FAM13A: variants seen among roughly 807,000 people sequenced by gnomAD.
FAM13A encodes the protein family with sequence similarity 13 member A.
Under a neutral mutation model 129.6 loss-of-function variants are expected in FAM13A, and 76 were observed. The observed-to-expected ratio is 0.59, with a 90% CI of 0.49 to 0.71. The LOEUF (loss-of-function observed/expected upper bound fraction) is 0.71. FAM13A is among the 30% of genes least tolerant of loss of function. FAM13A has a pLI of 0.00. For missense variants in FAM13A, 1,108 were observed against 1,249.3 expected (o/e 0.89, Z 1.70); for synonymous variants, 443 against 449.9 (o/e 0.98, Z 0.20).
intron 13 of FAM13A, among the ~76,000 whole-genome samples, chr4:88,764,222 GT>G (rs1745338070): frequency 1.3e-5 from 2 of 151,658 alleles, no homozygotes; most frequent in East Asian, 1.9e-4. Flanking sequence ...TGAATGTCTT[GT>G]TTGTTATCAA....
At chr4:88,742,176 T>C (rs577431741) in intron 19 of FAM13A, among the ~76,000 whole-genome samples, 1 of 152,252 alleles carries the variant, frequency 6.6e-6, no homozygotes, top group Admixed American at 6.5e-5. Flanking sequence ...CAGAAACATC[T>C]TTGGACTGCA....
At chr4:88,728,730 AATT>A in intron 23 of FAM13A, 71 bp from the exon 24 acceptor site, 1 of 1,558,172 alleles carries the variant, frequency 6.4e-7, no homozygotes, top group Non-Finnish European at 8.8e-7. Flanking sequence ...TCATCGGGCA[AATT>A]ATCATTGTTT....
intron 1 of FAM13A, among the ~76,000 whole-genome samples, chr4:89,053,205 CCAA>C: frequency 6.6e-6 from 1 of 152,302 alleles, no homozygotes; most frequent in East Asian, 1.9e-4. Flanking sequence ...CCTCCAGTTT[CCAA>C]CAACATGTTC....
chr4:88,994,056 AAGTAACTG>A (rs1763246106), intron 3 of FAM13A, among the ~76,000 whole-genome samples: 1 of 152,118 alleles, frequency 6.6e-6, no homozygotes, highest in African/African-American at 2.4e-5. Flanking sequence ...GAAAAGTCAA[AAGTAACTG>A]AGAAATATCT....
chr4:88,809,968 C>A (rs961252443), intron 7 of FAM13A, among the ~76,000 whole-genome samples: 1 of 147,558 alleles, frequency 6.8e-6, no homozygotes, highest in African/African-American at 2.5e-5. Flanking sequence ...TTTTACAATT[C>A]TTTTTTGTAA....
intron 19 of FAM13A, among the ~76,000 whole-genome samples, chr4:88,744,734 T>C (rs997066306): frequency 2.6e-5 from 4 of 152,168 alleles, no homozygotes; most frequent in Non-Finnish European, 4.4e-5. Flanking sequence ...AGTTGACTCT[T>C]TGATTTTTTT....
chr4:88,938,950 T>C (rs1754289605), intron 4 of FAM13A, among the ~76,000 whole-genome samples: 2 of 152,094 alleles, frequency 1.3e-5, no homozygotes, highest in Admixed American at 6.5e-5. Flanking sequence ...ACAAAAGACA[T>C]GAGTTGGAAA....
rs758196366 is a variant in FAM13A, at chr4:88,772,515, G to A, written c.1459-4456C>T. Among the ~76,000 whole-genome samples, 82 of 152,160 alleles carry A rather than the reference G, an allele frequency of 5.4e-4. 1 individual carries two copies. Among genetic ancestry groups the A allele is most frequent in the South Asian group, 2.5e-3 (12 of 4,830 alleles). ...AACTAACTGTTCTCCAATGGGATGCGAGAAGTGATATATGTGGCTTCCAGA... is the reference window on the plus strand; with the variant it reads ...AACTAACTGTTCTCCAATGGGATGCAAGAAGTGATATATGTGGCTTCCAGA... On this transcript the variant is annotated intron_variant, in intron 11 of 23. Coordinates refer to ENST00000264344, the MANE Select transcript of FAM13A (RefSeq NM_014883.4).
At chr4:88,790,839 T>C (rs914395776) in intron 8 of FAM13A, among the ~76,000 whole-genome samples, 1 of 152,158 alleles carries the variant, frequency 6.6e-6, no homozygotes, top group Non-Finnish European at 1.5e-5. Context: ...CTTTTTCTCC[T>C]TTTAAAAGTT....
At chr4:88,945,716 A>G (rs950927188) in intron 4 of FAM13A, among the ~76,000 whole-genome samples, 2 of 146,812 alleles carry the variant, frequency 1.4e-5, no homozygotes, top group Admixed American at 6.9e-5. Context: ...CAAACATTAT[A>G]AAAAGTCACA....
At chr4:88,881,918 C>T (rs1743641331) in intron 6 of FAM13A, among the ~76,000 whole-genome samples, 1 of 151,768 alleles carries the variant, frequency 6.6e-6, no homozygotes, top group African/African-American at 2.4e-5. Flanking sequence ...TTAACTCAAT[C>T]CAACAGAGAC....
At chr4:88,753,682 CAA>C (rs1743085363) in intron 14 of FAM13A, 1 of 812,552 alleles carries the variant, frequency 1.2e-6, no homozygotes, top group Admixed American at 6.2e-5. Flanking sequence ...GGCTTCTATT[CAA>C]AAGAGTTATA....
At chr4:88,803,492 C>T (rs920345935) in intron 8 of FAM13A, among the ~76,000 whole-genome samples, 2 of 152,056 alleles carry the variant, frequency 1.3e-5, no homozygotes, top group African/African-American at 4.8e-5. Flanking sequence ...TGGCATGAAC[C>T]AGTGCTAAAG....
intron 23 of FAM13A, chr4:88,730,194 G>A (rs994754254): frequency 6.6e-6 from 1 of 152,106 alleles, no homozygotes; most frequent in Non-Finnish European, 1.5e-5. Context: ...CAGTAATCTG[G>A]GTTAAATCCA....
At chr4:88,959,567 C>T (rs1412534633) in intron 4 of FAM13A, among the ~76,000 whole-genome samples, 1 of 152,214 alleles carries the variant, frequency 6.6e-6, no homozygotes, top group Non-Finnish European at 1.5e-5. Flanking sequence ...CCTGAGGCTT[C>T]CCGAGAAGCC....
At position 88,829,583 on chromosome 4, in the gene FAM13A, T is replaced by G. The variant is rs373204688; in HGVS notation, c.1007+21437A>C. On this transcript the variant is annotated intron_variant, in intron 7 of 23. Transcript: ENST00000264344. ...ATGAAGCCAAGATTTTTAGTGCATATACAATTTAGATATTCTGGTGTTGTT... is the reference window on the plus strand; with the variant it reads ...ATGAAGCCAAGATTTTTAGTGCATAGACAATTTAGATATTCTGGTGTTGTT... Among the ~76,000 whole-genome samples the G allele has an allele frequency of 5.3e-5, 8 of 152,344 alleles. No homozygotes were observed. In the South Asian group the frequency reaches 1.7e-3, roughly 32 times the overall value.
intron 8 of FAM13A, among the ~76,000 whole-genome samples, chr4:88,798,226 A>C: frequency 6.6e-6 from 1 of 152,162 alleles, no homozygotes; most frequent in East Asian, 1.9e-4. Context: ...ACTGGAAACA[A>C]ATTTGTGGTT....
chr4:88,839,981 A>C (rs1253620065), intron 7 of FAM13A, among the ~76,000 whole-genome samples: 4 of 152,238 alleles, frequency 2.6e-5, no homozygotes, highest in Non-Finnish European at 4.4e-5. Flanking sequence ...ACTGAATGAA[A>C]GCACCCAGGA....
chr4:88,824,928 G>C lies in FAM13A; in HGVS notation c.1008-19876C>G, dbSNP rs190013649. Among the ~76,000 whole-genome samples the C allele has an allele frequency of 2.2e-3, 339 of 152,134 alleles. 1 individual carries two copies. The highest frequency in any genetic ancestry group is 3.8e-3 in the Non-Finnish European group (257 of 67,984). ...TTACCATATTGGCCAGGCTGGTCTC[G>C]AACTCCTGACCTCAGGTGATCCGCC... On this transcript the variant is annotated intron_variant, in intron 7 of 23. Transcript: ENST00000264344.
Sources: allele counts gnomAD v4.1 joint callset (sites outside exome capture counted in the v4.1 genomes callset), GRCh38; gene constraint gnomAD v4.1.1; transcripts MANE v1.5; gene names NCBI Gene and HGNC (gene_info 2026-07-23, HGNC 2026-07-21).